Variants in FLT1 observed in about 807,000 individuals in gnomAD.
FLT1 encodes the protein vascular endothelial growth factor receptor 1.
FLT1 carries 49 observed loss-of-function variants against 156.3 expected under a neutral mutation model. That is an observed-to-expected ratio of 0.31 (90% CI 0.25 to 0.40). The LOEUF is 0.40. Among genes scored for constraint, FLT1 ranks in the 10% least tolerant of loss-of-function variants. The pLI is 1.00. For synonymous variants in FLT1, 594 were observed against 583.8 expected (o/e 1.02, Z -0.25); for missense variants, 1,322 against 1,637.2 (o/e 0.81, Z 3.32).
In FLT1 at chr13:28,322,591, G is replaced by A; in HGVS notation, c.2953+199C>T. 1 of 725,658 alleles carries A rather than the reference G, an allele frequency of 1.4e-6. No individual in the cohort carries two copies. Among genetic ancestry groups the A allele is most frequent in the East Asian group, 2.7e-5 (1 of 37,430 alleles). 45.0% of individuals were successfully genotyped at this position (725,658 alleles called of 1,614,324 possible). On this transcript the variant is annotated intron_variant, in intron 21 of 29. Transcript: ENST00000282397. The surrounding 1 kb of genome is among the most constrained non-coding windows in gnomAD (Gnocchi z 4.3). ...ATCCATTAAGATGAAAATCCCTGAG[G>A]GGAGAAAACGGTACAGTTCCCTGTC...
intron 1 of FLT1, among the ~76,000 whole-genome samples, chr13:28,494,150 G>T (rs1434785891): frequency 6.6e-6 from 1 of 152,192 alleles, no homozygotes; most frequent in Non-Finnish European, 1.5e-5. Flanking sequence ...CCCCGGGACA[G>T]TCCGGCTTGG....
At chr13:28,321,757 A>G (rs756258641) in intron 22 of FLT1, among the ~76,000 whole-genome samples, 172 bp from the exon 23 acceptor site, 4 of 152,262 alleles carry the variant, frequency 2.6e-5, no homozygotes, top group Non-Finnish European at 5.9e-5. Context: ...CTACAAATAC[A>G]GGTCCCCAAG....
chr13:28,386,756 A>C, intron 13 of FLT1: 1 of 1,054,504 alleles, frequency 9.5e-7, no homozygotes, highest in Non-Finnish European at 1.1e-6. Flanking sequence ...CAAACATATC[A>C]GTGAAACATG....
At chr13:28,303,492 ACCCC>A in intron 29 of FLT1, 124 bp from the exon 30 acceptor site, 1 of 644,386 alleles carries the variant, frequency 1.6e-6, no homozygotes, top group Non-Finnish European at 2.7e-6. Flanking sequence ...TGGTTTTGGA[ACCCC>A]CCCCCCCTCA....
intron 3 of FLT1, among the ~76,000 whole-genome samples, chr13:28,449,712 A>G (rs1429337609): frequency 6.6e-6 from 1 of 152,242 alleles, no homozygotes; most frequent in Non-Finnish European, 1.5e-5. Context: ...ACATTTAAAA[A>G]TGTATTATTT....
chr13:28,476,366 C>T (rs189150239), intron 1 of FLT1, among the ~76,000 whole-genome samples: 8 of 152,268 alleles, frequency 5.3e-5, no homozygotes, highest in African/African-American at 1.9e-4. Flanking sequence ...GCTGACTAAT[C>T]CCTTATGCAG....
In FLT1 at chr13:28,319,552, G is replaced by GA. The variant is rs1684318855; in HGVS notation, c.3175-19_3175-18insT. The GA allele has an allele frequency of 6.7e-7, 1 of 1,497,598 alleles. No homozygotes were observed. The highest frequency in any genetic ancestry group is 9.3e-7 in the Non-Finnish European group (1 of 1,075,312). The allele number at this position is 1,497,598 out of a possible 1,614,324, so 92.8% of individuals were successfully genotyped here. ...AGTCGAGTCTAGAAGAGGGCAAGGGGGCCTTGAGCAGAAGGGCATGAAAAC... is the reference window on the plus strand; with the variant it reads ...AGTCGAGTCTAGAAGAGGGCAAGGGGAGCCTTGAGCAGAAGGGCATGAAAAC... On this transcript the variant is annotated intron_variant, in intron 23 of 29. Coordinates refer to ENST00000282397, the MANE Select transcript of FLT1 (RefSeq NM_002019.4).
chr13:28,458,465 C>T (rs1226714223), intron 3 of FLT1, among the ~76,000 whole-genome samples: 1 of 152,194 alleles, frequency 6.6e-6, no homozygotes, highest in African/African-American at 2.4e-5. Context: ...AAATTGTTTT[C>T]TCTCTGAGGG....
Position 28,494,838 on chromosome 13 carries a change from G to C in FLT1, c.6C>G (p.Val2=), listed in dbSNP as rs769647011. 2.6e-6 allele frequency: 4 copies of C among 1,562,626 alleles called. No homozygotes were observed. Among genetic ancestry groups the C allele is most frequent in the Non-Finnish European group, 3.4e-6 (4 of 1,160,322 alleles). Residue 2 remains valine, a synonymous_variant, in exon 1 of 30, where the codon GTC becomes GTG. Coordinates refer to ENST00000282397, the MANE Select transcript of FLT1 (RefSeq NM_002019.4). ...GCAGGACCCCGGTGTCCCAGTAGCT[G>C]ACCATGGTGAGCGCGACGCGGCCTG... The part of the protein sequence containing the change: M[V]SYWDTGVLLC...
chr13:28,326,746 G>A (rs766597460), intron 20 of FLT1, among the ~76,000 whole-genome samples: 2 of 151,942 alleles, frequency 1.3e-5, no homozygotes, highest in African/African-American at 2.4e-5. Context: ...GGCTGGTTTC[G>A]AACTCCTGAC....
At chr13:28,312,511 T>TA (rs201861045) in intron 25 of FLT1, among the ~76,000 whole-genome samples, 2,253 of 143,754 alleles carry the variant, frequency 0.016, 53 homozygotes, top group East Asian at 0.053. Flanking sequence ...TCCTTAAAGT[T>TA]AAAAAAAAAA....
At chr13:28,339,061 G>A in intron 17 of FLT1, 107 bp downstream of exon 17, 1 of 996,780 alleles carries the variant, frequency 1.0e-6, no homozygotes, top group Admixed American at 2.1e-5. Context: ...AGCAGCTGGA[G>A]GGTAGAATCC....
intron 18 of FLT1, among the ~76,000 whole-genome samples, chr13:28,330,422 C>G (rs1292255137): frequency 6.6e-6 from 1 of 150,648 alleles, no homozygotes; most frequent in East Asian, 2.0e-4. Context: ...ATATAAAAAT[C>G]AAATAATCTT....
At chr13:28,473,991 T>C (rs1173323160) in intron 1 of FLT1, among the ~76,000 whole-genome samples, 1 of 152,144 alleles carries the variant, frequency 6.6e-6, no homozygotes, top group Non-Finnish European at 1.5e-5. Context: ...AACATTATGC[T>C]GGCCCACAGA....
chr13:28,473,782 GAAAGAAAGAAAGAAAGAAAGAAAGAAA>G (rs1880358578), intron 1 of FLT1, among the ~76,000 whole-genome samples: 1 of 67,164 alleles, frequency 1.5e-5, no homozygotes, highest in Non-Finnish European at 3.1e-5. Flanking sequence ...AGGAAGGAAA[GAAAGAAAGAAAGAAAGAAAGAAAGAAA>G]GAAAGAAAGA....
At chr13:28,427,560 G>T (rs769333442) in intron 9 of FLT1, among the ~76,000 whole-genome samples, 192 bp downstream of exon 9, 1 of 152,144 alleles carries the variant, frequency 6.6e-6, no homozygotes, top group Non-Finnish European at 1.5e-5. Context: ...AGTGATAAAA[G>T]ATCATGCCGC....
chr13:28,315,080 C>T lies in FLT1; in HGVS notation c.3386+2418G>A, dbSNP rs115571675. On this transcript the variant is annotated intron_variant, in intron 25 of 29. Coordinates refer to ENST00000282397, the MANE Select transcript of FLT1 (RefSeq NM_002019.4). ...TCAAGCTGAATTCGCTTATTACCAA[C>T]GCAGGCTTGAGCAAATCACTTACAT... Among the ~76,000 whole-genome samples, 1,161 of 152,298 alleles carry T rather than the reference C, an allele frequency of 7.6e-3. 21 individuals are homozygous for T. Among genetic ancestry groups the T allele is most frequent in the African/African-American group, 0.026 (1,064 of 41,562 alleles).
At chr13:28,394,508 G>A (rs1448121203) in intron 12 of FLT1, among the ~76,000 whole-genome samples, 1 of 152,148 alleles carries the variant, frequency 6.6e-6, no homozygotes, top group Non-Finnish European at 1.5e-5. Context: ...AACACCATGG[G>A]TAGAAATATG....
chr13:28,478,943 T>C (rs143537039), intron 1 of FLT1, among the ~76,000 whole-genome samples: 1 of 152,288 alleles, frequency 6.6e-6, no homozygotes, highest in East Asian at 1.9e-4. Context: ...GCTTTGTATA[T>C]AAAAATGGAG....
Sources: allele counts gnomAD v4.1 joint callset (sites outside exome capture counted in the v4.1 genomes callset), GRCh38; gene constraint gnomAD v4.1.1; non-coding constraint Gnocchi (gnomAD v3.1); transcripts MANE v1.5; gene names NCBI Gene and HGNC (gene_info 2026-07-23, HGNC 2026-07-21).